DCP1B: variants seen among roughly 807,000 people sequenced by gnomAD.
The protein encoded by DCP1B is decapping mRNA 1B, also known as mRNA-decapping enzyme 1B.
A neutral mutation model predicts 60.5 loss-of-function variants in DCP1B; 47 were observed. The observed-to-expected ratio is 0.78, with a 90% CI of 0.61 to 0.99. The LOEUF (loss-of-function observed/expected upper bound fraction) is 0.99, where lower values mean the gene tolerates loss of function less well. Ranked by LOEUF, DCP1B falls within the 50% of genes least tolerant of loss-of-function variation. DCP1B has a pLI of 0.00. For synonymous variants in DCP1B, 267 were observed against 280.3 expected (o/e 0.95, Z 0.47); for missense variants, 725 against 756.8 (o/e 0.96, Z 0.49).
At chr12:2,003,714 CTTCT>C (rs1352748271) in intron 1 of DCP1B, among the ~76,000 whole-genome samples, 1 of 152,204 alleles carries the variant, frequency 6.6e-6, no homozygotes, top group Non-Finnish European at 1.5e-5. Flanking sequence ...CATCAGCTTC[CTTCT>C]AAGTGTTAGA....
rs2031148529 is a variant in DCP1B, at chr12:1,962,139, C to T, written c.522+3419G>A. ...GCATGGTAAACAGGTTAAGATTGGC[C>T]AGTTTGAATAACTCCAGCAGGCTCT... is the stretch of plus-strand genomic sequence containing the variant. On this transcript the variant is annotated intron_variant, in intron 5 of 8. Coordinates refer to ENST00000280665, the MANE Select transcript of DCP1B (RefSeq NM_152640.5). The surrounding 1 kb of genome is among the most constrained non-coding windows in gnomAD (Gnocchi z 4.4). Among the ~76,000 whole-genome samples, 1 of 152,162 alleles carries T rather than the reference C, an allele frequency of 6.6e-6. No individual in the cohort carries two copies. Among genetic ancestry groups the T allele is most frequent in the African/African-American group, 2.4e-5 (1 of 41,428 alleles).
chr12:1,966,628 T>C (rs2031304153), intron 4 of DCP1B, among the ~76,000 whole-genome samples: 1 of 152,208 alleles, frequency 6.6e-6, no homozygotes, highest in African/African-American at 2.4e-5. Context: ...ATGCTGACAA[T>C]TATAACATGG....
chr12:1,965,741 C>A, intron 4 of DCP1B, 48 bp from the exon 5 acceptor site: 1 of 1,574,538 alleles, frequency 6.4e-7, no homozygotes, highest in Non-Finnish European at 8.6e-7. Context: ...CAATTCAACA[C>A]AAACAATGTT....
intron 7 of DCP1B, chr12:1,950,245 C>T: frequency 1.5e-6 from 1 of 668,710 alleles, no homozygotes; most frequent in Non-Finnish European, 2.7e-6. Context: ...TTTCTTTTAA[C>T]TTGTCCCTAC....
intron 3 of DCP1B, among the ~76,000 whole-genome samples, chr12:1,984,311 C>G (rs2154468491): frequency 6.6e-6 from 1 of 151,666 alleles, no homozygotes. Context: ...TCTCCTGTTA[C>G]CCTCTTTCTT....
intron 4 of DCP1B, among the ~76,000 whole-genome samples, chr12:1,966,703 A>C (rs2031307355): frequency 6.6e-6 from 1 of 152,188 alleles, no homozygotes; most frequent in Non-Finnish European, 1.5e-5. Context: ...TATCCACTGC[A>C]CAATTTACAG....
intron 3 of DCP1B, among the ~76,000 whole-genome samples, chr12:1,980,572 T>C (rs1334405276): frequency 1.3e-5 from 2 of 151,988 alleles, no homozygotes; most frequent in East Asian, 3.9e-4. Context: ...CAGAAGTTTT[T>C]AATTTGATGA....
downstream of DCP1B, among the ~76,000 whole-genome samples, chr12:1,943,963 T>G (rs747203079): frequency 9.2e-5 from 14 of 151,884 alleles, no homozygotes; most frequent in Non-Finnish European, 1.9e-4. Context: ...GAGAAAGAAA[T>G]AATATTCAAA....
At chr12:1,979,007 AAGTCTT>A (rs2035282413) in intron 3 of DCP1B, among the ~76,000 whole-genome samples, 1 of 152,104 alleles carries the variant, frequency 6.6e-6, no homozygotes, top group Admixed American at 6.5e-5. Context: ...ATTTGTGTAA[AAGTCTT>A]TGTGTGGACA....
Position 1,997,930 on chromosome 12 carries a change from C to G in DCP1B, c.191+5G>C. ...AGTTTCTTTATAAAAGTGAAACACT[C>G]TTACCTTGTATAAACAAATAAGGTT... On this transcript the variant is annotated splice_donor_5th_base_variant and intron_variant, in intron 2 of 8. Coordinates refer to ENST00000280665, the MANE Select transcript of DCP1B (RefSeq NM_152640.5). 1.9e-6 allele frequency: 3 copies of G among 1,604,162 alleles called. No individual in the cohort carries two copies. The highest frequency in any genetic ancestry group is 8.5e-7 in the Non-Finnish European group (1 of 1,175,186).
rs977622058 is a variant in DCP1B, at chr12:1,962,651, C to G, written c.522+2907G>C. On this transcript the variant is annotated intron_variant, in intron 5 of 8. Coordinates refer to ENST00000280665, the MANE Select transcript of DCP1B (RefSeq NM_152640.5). The surrounding 1 kb of genome is among the most constrained non-coding windows in gnomAD (Gnocchi z 4.4). ...AAGTCATCATAATTTTTTTTAATGACTTTTGAAGAATTAAAAAAACACAAA... is the reference window on the plus strand; with the variant it reads ...AAGTCATCATAATTTTTTTTAATGAGTTTTGAAGAATTAAAAAAACACAAA... Among the ~76,000 whole-genome samples, 5 of 151,402 alleles carry G rather than the reference C, an allele frequency of 3.3e-5. No individual in the cohort carries two copies. Among genetic ancestry groups the G allele is most frequent in the African/African-American group, 1.2e-4 (5 of 41,110 alleles).
chr12:1,949,436 A>G (rs953319463), intron 7 of DCP1B, 102 bp from the exon 8 acceptor site: 5 of 1,496,406 alleles, frequency 3.3e-6, no homozygotes, highest in Non-Finnish European at 4.5e-6. Flanking sequence ...CCCTGTCCAC[A>G]GCTTTCCTAG....
chr12:1,968,488 C>T (rs918833933), intron 3 of DCP1B, among the ~76,000 whole-genome samples: 5 of 152,082 alleles, frequency 3.3e-5, no homozygotes, highest in South Asian at 2.1e-4. Flanking sequence ...AACAGGCACT[C>T]GGCAAAATCC....
chr12:1,984,379 T>A (rs1304436779), intron 3 of DCP1B, among the ~76,000 whole-genome samples: 1 of 152,118 alleles, frequency 6.6e-6, no homozygotes, highest in Non-Finnish European at 1.5e-5. Flanking sequence ...TGGTGATATC[T>A]CTATATTTCT....
chr12:1,942,986 C>CA (rs1329706252), downstream of DCP1B, among the ~76,000 whole-genome samples: 18 of 152,114 alleles, frequency 1.2e-4, no homozygotes, highest in Admixed American at 5.9e-4. Context: ...AAAAACCCTT[C>CA]AAAAAATCAA....
chr12:2,001,271 T>C (rs1246204401), intron 1 of DCP1B, among the ~76,000 whole-genome samples: 1 of 152,150 alleles, frequency 6.6e-6, no homozygotes, highest in Non-Finnish European at 1.5e-5. Flanking sequence ...GGAGAATAGC[T>C]AAAACAAGAT....
intron 7 of DCP1B, among the ~76,000 whole-genome samples, chr12:1,951,519 G>C (rs1029921401): frequency 1.2e-4 from 18 of 152,252 alleles, no homozygotes; most frequent in African/African-American, 2.6e-4. Flanking sequence ...CTCTAAAGGA[G>C]AGAATCTTTC....
In DCP1B at chr12:1,959,196, G is replaced by A. The variant is rs767737128; in HGVS notation, c.523-3636C>T. On this transcript the variant is annotated intron_variant, in intron 5 of 8. Coordinates refer to ENST00000280665, the MANE Select transcript of DCP1B (RefSeq NM_152640.5). ...CGTTGCTCTGGGCAATGGCTTTTTC[G>A]ATGTGACCCTAAGGACAGGCAACAA... 3.9e-5 allele frequency among the ~76,000 whole-genome samples: 6 copies of A among 152,246 alleles called. No homozygotes were observed. The East Asian group carries it at 5.8e-4, about 15-fold the overall frequency.
chr12:1,974,769 A>G, intron 3 of DCP1B, among the ~76,000 whole-genome samples: 1 of 152,206 alleles, frequency 6.6e-6, no homozygotes, highest in Non-Finnish European at 1.5e-5. Context: ...CATGTCAGTC[A>G]TTCCAGCAAC....
Sources: allele counts gnomAD v4.1 joint callset (sites outside exome capture counted in the v4.1 genomes callset), GRCh38; gene constraint gnomAD v4.1.1; non-coding constraint Gnocchi (gnomAD v3.1); transcripts MANE v1.5; gene names NCBI Gene and HGNC (gene_info 2026-07-23, HGNC 2026-07-21).